The following MACROD2 variants were observed in gnomAD, a reference collection of about 807,000 sequenced individuals.
MACROD2 encodes the protein ADP-ribose glycohydrolase MACROD2.
A neutral mutation model predicts 70.4 loss-of-function variants in MACROD2; 36 were observed. The ratio of observed to expected loss-of-function variants is 0.51; its 90% CI spans 0.39 to 0.68. The LOEUF is 0.68. MACROD2 is among the 30% of genes least tolerant of loss of function. The probability of loss-of-function intolerance (pLI) is 0.00; values close to 1 mark genes in which losing one functional copy is unlikely to be tolerated. For synonymous variants in MACROD2, 172 were observed against 178.8 expected, an observed-to-expected ratio of 0.96 and a Z score of 0.30; for missense variants, 496 against 538.4, an observed-to-expected ratio of 0.92 and a Z score of 0.78.
At chr20:14,077,604 G>T (rs2053930332) in intron 2 of MACROD2, among the ~76,000 whole-genome samples, 1 of 152,178 alleles carries the variant, frequency 6.6e-6, no homozygotes, top group South Asian at 2.1e-4. Flanking sequence ...GGGAAAAAGA[G>T]TGTAATTTTG....
chr20:14,356,836 CG>C (rs2083177529), intron 3 of MACROD2, among the ~76,000 whole-genome samples: 1 of 152,088 alleles, frequency 6.6e-6, no homozygotes, highest in South Asian at 2.1e-4. Flanking sequence ...ACCTCACGCA[CG>C]GCTGGCATAT....
chr20:15,862,201 T>G (rs1568603409), intron 8 of MACROD2, among the ~76,000 whole-genome samples: 1 of 152,224 alleles, frequency 6.6e-6, no homozygotes, highest in Admixed American at 6.5e-5. Flanking sequence ...CTAGTTACTT[T>G]TTATTTCTGT....
chr20:15,648,451 A>G (rs192264489), intron 8 of MACROD2, among the ~76,000 whole-genome samples: 11 of 152,190 alleles, frequency 7.2e-5, no homozygotes, highest in Admixed American at 3.9e-4. Flanking sequence ...TCTCTGTGGC[A>G]ATGTCCATTC....
In MACROD2 at chr20:15,953,166, C is replaced by T. The variant is rs972187358; in HGVS notation, c.908-14387C>T. ...TAGGCAGAAGCCAAGAAAGGTTGGT[C>T]TCATAGAAGTAAAAAGTAGTTCAGG... On this transcript the variant is annotated intron_variant, in intron 12 of 17. Transcript: ENST00000684519. Among the ~76,000 whole-genome samples the T allele has an allele frequency of 1.1e-4, 16 of 152,036 alleles. No individual in the cohort carries two copies. The East Asian group carries it at 3.1e-3, about 29-fold the overall frequency.
intron 15 of MACROD2, among the ~76,000 whole-genome samples, chr20:16,030,724 T>A (rs1185348657): frequency 6.6e-6 from 1 of 152,086 alleles, no homozygotes; most frequent in Non-Finnish European, 1.5e-5. Context: ...AAGACCAAAT[T>A]ACTGACAAAG....
intron 3 of MACROD2, chr20:14,337,397 C>A: frequency 4.4e-5 from 13 of 294,264 alleles, no homozygotes; most frequent in Non-Finnish European, 4.9e-5. Context: ...ACATGGAAAA[C>A]ACTTACCAGG....
chr20:14,891,445 G>A (rs1438830308), intron 5 of MACROD2, among the ~76,000 whole-genome samples: 1 of 152,122 alleles, frequency 6.6e-6, no homozygotes, highest in African/African-American at 2.4e-5. Flanking sequence ...TACATTGTCT[G>A]TTATGTATGC....
chr20:14,804,892 T>TAA (rs773926938), intron 5 of MACROD2, among the ~76,000 whole-genome samples: 3 of 148,628 alleles, frequency 2.0e-5, no homozygotes, highest in Non-Finnish European at 4.5e-5. Flanking sequence ...TGTGTGTGTG[T>TAA]GAGAGAGAGA....
intron 5 of MACROD2, among the ~76,000 whole-genome samples, chr20:14,741,252 C>G (rs1347075079): frequency 6.6e-6 from 1 of 152,134 alleles, no homozygotes; most frequent in African/African-American, 2.4e-5. Flanking sequence ...GATTTAGGCA[C>G]TCTGTTTTCC....
chr20:15,248,327 G>T (rs2077124612), intron 6 of MACROD2, among the ~76,000 whole-genome samples: 1 of 152,070 alleles, frequency 6.6e-6, no homozygotes, highest in South Asian at 2.1e-4. Context: ...TGACACTTGT[G>T]GCCATTCCTT....
chr20:14,412,568 A>G (rs1007185441), intron 3 of MACROD2, among the ~76,000 whole-genome samples: 1 of 152,182 alleles, frequency 6.6e-6, no homozygotes, highest in African/African-American at 2.4e-5. Context: ...AAACATAGGG[A>G]TAAGAGACAA....
At chr20:14,794,091 G>A (rs1242546582) in intron 5 of MACROD2, among the ~76,000 whole-genome samples, 1 of 152,020 alleles carries the variant, frequency 6.6e-6, no homozygotes, top group Non-Finnish European at 1.5e-5. Context: ...GCACAGGTCT[G>A]TTTTAGCAGG....
At position 15,414,875 on chromosome 20, in the gene MACROD2, C is replaced by G. The variant is rs188761842; in HGVS notation, c.541-16530C>G. 1.7e-3 allele frequency among the ~76,000 whole-genome samples: 257 copies of G among 152,330 alleles called. 1 individual carries two copies. Among genetic ancestry groups the G allele is most frequent in the Non-Finnish European group, 2.8e-3 (188 of 68,032 alleles). Reference sequence around the variant, plus strand: ...TGGGACCCTGTTAGAAACATAATTTCAGCCTGCCCCAGAGAAACGGAATCA... The same window carrying G: ...TGGGACCCTGTTAGAAACATAATTTGAGCCTGCCCCAGAGAAACGGAATCA... On this transcript the variant is annotated intron_variant, in intron 6 of 17. Transcript: ENST00000684519.
chr20:15,616,108 T>TC (rs2049034618), intron 8 of MACROD2, among the ~76,000 whole-genome samples: 1 of 146,406 alleles, frequency 6.8e-6, no homozygotes, highest in East Asian at 2.0e-4. Context: ...CTTTTTTTTT[T>TC]TTTTTTTTTT....
rs5840628 is a variant in MACROD2, at chr20:14,618,113, A to ATT, written c.302-66722_302-66721dup. 2.0e-4 allele frequency among the ~76,000 whole-genome samples: 31 copies of ATT among 151,694 alleles called. No homozygotes were observed. In the South Asian group the frequency reaches 2.3e-3, roughly 11 times the overall value. On this transcript the variant is annotated intron_variant, in intron 4 of 17. Coordinates refer to ENST00000684519, the MANE Select transcript of MACROD2 (RefSeq NM_001351661.2). ...CACACCTGCCCTCCAATCCCTATGA[A>ATT]TTTTTTTTTCATCAATGTATCCCAA... is the stretch of plus-strand genomic sequence containing the variant.
At chr20:15,985,958 AG>A (rs1287913007) in intron 13 of MACROD2, 1 of 152,248 alleles carries the variant, frequency 6.6e-6, no homozygotes, top group African/African-American at 2.4e-5. Flanking sequence ...TTGAGCAAGC[AG>A]GGGGTACGTG....
At chr20:15,312,547 A>G (rs2077764446) in intron 6 of MACROD2, among the ~76,000 whole-genome samples, 1 of 152,204 alleles carries the variant, frequency 6.6e-6, no homozygotes, top group African/African-American at 2.4e-5. Flanking sequence ...GAAGTGTCCT[A>G]TAATAGAATT....
At chr20:14,470,432 G>A (rs765124349) in intron 3 of MACROD2, among the ~76,000 whole-genome samples, 3 of 152,180 alleles carry the variant, frequency 2.0e-5, no homozygotes, top group Non-Finnish European at 4.4e-5. Flanking sequence ...GAGGCAGTCT[G>A]TCCCTTAGCA....
intron 5 of MACROD2, among the ~76,000 whole-genome samples, chr20:14,938,920 T>C (rs973972389): frequency 5.9e-5 from 9 of 151,294 alleles, no homozygotes; most frequent in African/African-American, 2.2e-4. Context: ...ATTCAGATAT[T>C]TTTTTCATTG....
Sources: gnomAD v4.1 joint callset for allele counts (sites outside exome capture counted in the v4.1 genomes callset) on GRCh38, gnomAD v4.1.1 for gene constraint, MANE v1.5 for transcripts, NCBI Gene and HGNC (gene_info 2026-07-23, HGNC 2026-07-21) for gene names.